Variants in FHIT observed in about 807,000 individuals in gnomAD.
FHIT encodes fragile histidine triad diadenosine triphosphatase, also known as bis(5'-adenosyl)-triphosphatase.
Under a neutral mutation model 17.9 loss-of-function variants are expected in FHIT, and 19 were observed. The ratio of observed to expected loss-of-function variants is 1.06; its 90% CI spans 0.74 to 1.56. The LOEUF (loss-of-function observed/expected upper bound fraction) is 1.56. FHIT is among the 40% of genes most tolerant of loss of function. The pLI, the probability that FHIT is intolerant of heterozygous loss-of-function variation, is 0.00. For synonymous variants in FHIT, 81 were observed against 69.7 expected (o/e 1.16, Z -0.81); for missense variants, 248 against 189.2 (o/e 1.31, Z -1.82).
intron 4 of FHIT, among the ~76,000 whole-genome samples, chr3:60,577,530 C>T (rs2037610132): frequency 6.6e-6 from 1 of 152,110 alleles, no homozygotes; most frequent in African/African-American, 2.4e-5. Context: ...GTCAATGGTT[C>T]ATTTAATTTG....
intron 4 of FHIT, among the ~76,000 whole-genome samples, chr3:60,669,853 A>G (rs2040470721): frequency 6.6e-6 from 1 of 152,188 alleles, no homozygotes; most frequent in Non-Finnish European, 1.5e-5. Context: ...ACTGAGCAAG[A>G]AAGAATTGAA....
intron 5 of FHIT, among the ~76,000 whole-genome samples, chr3:60,497,078 G>T (rs2034329410): frequency 1.3e-5 from 2 of 152,238 alleles, no homozygotes; most frequent in South Asian, 4.2e-4. Context: ...TCCCACATGT[G>T]GCAATATGTG....
At chr3:60,507,038 T>C (rs2034761049) in intron 5 of FHIT, among the ~76,000 whole-genome samples, 1 of 151,634 alleles carries the variant, frequency 6.6e-6, no homozygotes, top group African/African-American at 2.4e-5. Flanking sequence ...AGGAAGAAAA[T>C]GGAAATTGCA....
chr3:60,542,868 T>A (rs1314583011), intron 4 of FHIT, among the ~76,000 whole-genome samples: 1 of 152,194 alleles, frequency 6.6e-6, no homozygotes, highest in African/African-American at 2.4e-5. Context: ...TTTTCTTCTA[T>A]CGACTTTATA....
rs76533642 is a variant in FHIT, at chr3:60,854,100, T to G, written c.-110-32089A>C. 8.2e-3 allele frequency among the ~76,000 whole-genome samples: 1,255 copies of G among 152,248 alleles called. 21 individuals carry two copies. Among genetic ancestry groups the G allele is most frequent in the African/African-American group, 0.029 (1,206 of 41,516 alleles). On this transcript the variant is annotated intron_variant, in intron 3 of 9. Transcript: ENST00000492590. ...CAGTGGGACTAGAATGTAAACTTCT[T>G]GGGTTGTGGTTCCTCCAAATCATCT...
Position 60,500,759 on chromosome 3 carries a change from T to A in FHIT, c.103+36101A>T, listed in dbSNP as rs952294182. Among the ~76,000 whole-genome samples, 3 of 105,670 alleles carry A rather than the reference T, an allele frequency of 2.8e-5. No individual in the cohort carries two copies. The Admixed American group carries it at 3.9e-4, about 14-fold the overall frequency. 69.3% of individuals were successfully genotyped at this position (105,670 alleles called of 152,430 possible). On this transcript the variant is annotated intron_variant, in intron 5 of 9. Transcript: ENST00000492590. ...CTGCACTCCAGCCTGGGTGACAGAG[T>A]GAGCATCCATCTAAAAAAAAAAAAA...
rs187427886 is a variant in FHIT, at chr3:60,105,195, T to C, written c.104-91043A>G. 2.8e-4 allele frequency among the ~76,000 whole-genome samples: 43 copies of C among 152,272 alleles called. No individual in the cohort carries two copies. The East Asian group carries it at 8.1e-3, about 29-fold the overall frequency. On this transcript the variant is annotated intron_variant, in intron 5 of 9. Transcript: ENST00000492590. ...ACGGCTTCACTTAACAAGGACTTTGTTTCTTTCAAGTACCAGGCACTCACT... is the reference window on the plus strand; with the variant it reads ...ACGGCTTCACTTAACAAGGACTTTGCTTCTTTCAAGTACCAGGCACTCACT...
chr3:60,213,169 T>C (rs1198721189), intron 5 of FHIT, among the ~76,000 whole-genome samples: 3 of 152,134 alleles, frequency 2.0e-5, no homozygotes, highest in Non-Finnish European at 4.4e-5. Flanking sequence ...TATAACTAGG[T>C]ATTCCAATGA....
intron 4 of FHIT, among the ~76,000 whole-genome samples, chr3:60,771,892 A>T (rs2108075602): frequency 6.6e-6 from 1 of 152,296 alleles, no homozygotes; most frequent in Non-Finnish European, 1.5e-5. Flanking sequence ...AAGAATTTTT[A>T]TTAAGCCAAG....
At chr3:59,957,130 T>C (rs951086878) in intron 7 of FHIT, among the ~76,000 whole-genome samples, 2 of 152,202 alleles carry the variant, frequency 1.3e-5, no homozygotes, top group African/African-American at 4.8e-5. Context: ...GTTGAAGCCC[T>C]CATCCCCAGT....
chr3:60,285,406 TTATAC>T (rs1254926653), intron 5 of FHIT, among the ~76,000 whole-genome samples: 1 of 152,168 alleles, frequency 6.6e-6, no homozygotes, highest in Admixed American at 6.6e-5. Flanking sequence ...CATTTTTAAG[TTATAC>T]TATAGAATGA....
chr3:60,847,939 T>A (rs1553747084), intron 3 of FHIT, among the ~76,000 whole-genome samples: 1 of 152,154 alleles, frequency 6.6e-6, no homozygotes, highest in East Asian at 1.9e-4. Flanking sequence ...AGAGAGAATA[T>A]GTTACTCCTG....
intron 5 of FHIT, among the ~76,000 whole-genome samples, chr3:60,380,155 G>C (rs1700737242): frequency 6.6e-6 from 1 of 152,146 alleles, no homozygotes; most frequent in Non-Finnish European, 1.5e-5. Context: ...TGGAGGTGGG[G>C]CCTGGTAGGA....
At chr3:60,605,149 A>G (rs1246643671) in intron 4 of FHIT, among the ~76,000 whole-genome samples, 1 of 152,120 alleles carries the variant, frequency 6.6e-6, no homozygotes, top group Non-Finnish European at 1.5e-5. Context: ...ATTTTCCCCA[A>G]TACTAATGTC....
chr3:61,136,328 T>C (rs1437089251), intron 2 of FHIT, among the ~76,000 whole-genome samples: 1 of 149,728 alleles, frequency 6.7e-6, no homozygotes, highest in Admixed American at 6.7e-5. Context: ...CCACTGGGCA[T>C]TTGCCACAAC....
intron 3 of FHIT, among the ~76,000 whole-genome samples, chr3:60,949,642 AT>A (rs1553776646): frequency 6.6e-6 from 1 of 152,202 alleles, no homozygotes; most frequent in East Asian, 1.9e-4. Context: ...TCAATAAGAT[AT>A]TTTGCATCTT....
At chr3:60,210,583 G>A (rs1000928248) in intron 5 of FHIT, among the ~76,000 whole-genome samples, 1 of 152,102 alleles carries the variant, frequency 6.6e-6, no homozygotes, top group African/African-American at 2.4e-5. Context: ...ACTGAAAAAT[G>A]AGTGAGAAAT....
intron 4 of FHIT, among the ~76,000 whole-genome samples, chr3:60,708,018 G>C (rs575296463): frequency 6.6e-6 from 1 of 152,162 alleles, no homozygotes; most frequent in East Asian, 1.9e-4. Flanking sequence ...TTTCAACTTG[G>C]GGTATTATAA....
intron 4 of FHIT, among the ~76,000 whole-genome samples, chr3:60,793,004 C>T (rs782684333): frequency 1.3e-4 from 20 of 152,028 alleles, no homozygotes; most frequent in Admixed American, 4.6e-4. Context: ...TATCCTTTTA[C>T]TGAAACTACT....
Sources: allele counts gnomAD v4.1 joint callset (sites outside exome capture counted in the v4.1 genomes callset), GRCh38; gene constraint gnomAD v4.1.1; transcripts MANE v1.5; gene names NCBI Gene and HGNC (gene_info 2026-07-23, HGNC 2026-07-21).